Variants in PCOLCE2 observed in about 807,000 individuals in gnomAD.
PCOLCE2 encodes procollagen C-proteinase enhancer 2.
A neutral mutation model predicts 47.0 loss-of-function variants in PCOLCE2; 42 were observed. The observed-to-expected ratio is 0.89, with a 90% CI of 0.70 to 1.16. PCOLCE2 has a LOEUF of 1.16. Ranked by LOEUF, PCOLCE2 falls within the 50% of genes most tolerant of loss-of-function variation. The probability of loss-of-function intolerance (pLI) is 0.00; values close to 1 mark genes in which losing one functional copy is unlikely to be tolerated. For missense variants in PCOLCE2, 500 were observed against 526.1 expected, an observed-to-expected ratio of 0.95 and a Z score of 0.49; for synonymous variants, 169 against 191.7, an observed-to-expected ratio of 0.88 and a Z score of 0.98.
At chr3:142,857,781 G>A (rs966864691) in intron 2 of PCOLCE2, among the ~76,000 whole-genome samples, 1 of 152,156 alleles carries the variant, frequency 6.6e-6, no homozygotes, top group African/African-American at 2.4e-5. Context: ...AACAGCTGTT[G>A]AAGGAATAAA....
chr3:142,844,955 T>G (rs1937307315), intron 3 of PCOLCE2, among the ~76,000 whole-genome samples: 1 of 152,196 alleles, frequency 6.6e-6, no homozygotes, highest in Non-Finnish European at 1.5e-5. Flanking sequence ...AGTGCTTTCT[T>G]GTAGACAACA....
chr3:142,846,720 T>C (rs1433997634), intron 3 of PCOLCE2: 1 of 152,220 alleles, frequency 6.6e-6, no homozygotes, highest in African/African-American at 2.4e-5. Flanking sequence ...ACTGACTCTT[T>C]TTTTCTGCCA....
intron 8 of PCOLCE2, among the ~76,000 whole-genome samples, chr3:142,820,018 GA>G (rs746719430): frequency 6.6e-6 from 1 of 152,052 alleles, no homozygotes; most frequent in Non-Finnish European, 1.5e-5. Context: ...TTATGTAGGG[GA>G]AAAATTGCAG....
At chr3:142,828,940 C>T (rs961926947) in intron 6 of PCOLCE2, among the ~76,000 whole-genome samples, 14 of 152,210 alleles carry the variant, frequency 9.2e-5, no homozygotes, top group Admixed American at 6.5e-5. Flanking sequence ...CTGTACTCAG[C>T]CCCAGCCTAG....
chr3:142,850,811 A>C (rs2108198687), intron 2 of PCOLCE2, among the ~76,000 whole-genome samples: 1 of 88,820 alleles, frequency 1.1e-5, no homozygotes, highest in Admixed American at 9.9e-5. Flanking sequence ...ATATGGGGGT[A>C]AGGAAGGGGA....
chr3:142,885,248 T>A (rs1933698216), intron 2 of PCOLCE2, among the ~76,000 whole-genome samples: 1 of 152,202 alleles, frequency 6.6e-6, no homozygotes, highest in Non-Finnish European at 1.5e-5. Flanking sequence ...CTGGGACACA[T>A]CTCCAGTTTG....
At position 142,826,593 on chromosome 3, in the gene PCOLCE2, CCTT is replaced by C. The variant is rs887286648; in HGVS notation, c.866-2981_866-2979del. On this transcript the variant is annotated intron_variant, in intron 6 of 8. Coordinates refer to ENST00000295992, the MANE Select transcript of PCOLCE2 (RefSeq NM_013363.4). ...CAGGTTCAAGACTCTCAAAGCCTCTCCTTCTTCTTTAAGGCCAAACTTGGGGAA... is the reference window on the plus strand; with the variant it reads ...CAGGTTCAAGACTCTCAAAGCCTCTCCTTCTTTAAGGCCAAACTTGGGGAA... Among the ~76,000 whole-genome samples, 8 of 152,150 alleles carry C rather than the reference CCTT, an allele frequency of 5.3e-5. No individual in the cohort carries two copies. In the South Asian group the frequency reaches 6.2e-4, roughly 12 times the overall value.
At chr3:142,834,624 G>A (rs1937183273) in intron 5 of PCOLCE2, among the ~76,000 whole-genome samples, 1 of 152,186 alleles carries the variant, frequency 6.6e-6, no homozygotes, top group Non-Finnish European at 1.5e-5. Flanking sequence ...TTAATCTGGT[G>A]AGGTATAAGG....
chr3:142,839,064 T>TA (rs374403787), intron 4 of PCOLCE2, among the ~76,000 whole-genome samples, 158 bp from the exon 5 acceptor site: 1,798 of 149,282 alleles, frequency 0.012, 35 homozygotes, highest in African/African-American at 0.04. Context: ...CTTATTTAGT[T>TA]AAAAAAAAAA....
chr3:142,826,989 A>G (rs900912520), intron 6 of PCOLCE2: 3 of 613,214 alleles, frequency 4.9e-6, no homozygotes, highest in East Asian at 7.1e-5. Flanking sequence ...CCTGCCCTCA[A>G]TCTCTGCCTA....
chr3:142,846,314 C>T (rs1356543008), intron 3 of PCOLCE2, among the ~76,000 whole-genome samples: 4 of 152,338 alleles, frequency 2.6e-5, no homozygotes, highest in African/African-American at 9.6e-5. Flanking sequence ...TCTCCTGCCT[C>T]GGCCTCCCGA....
chr3:142,818,365 G>A lies in PCOLCE2; in HGVS notation c.1218C>T (p.Leu406=), dbSNP rs757737125. The A allele has an allele frequency of 3.1e-6, 5 of 1,613,576 alleles. No individual in the cohort carries two copies. Among genetic ancestry groups the A allele is most frequent in the East Asian group, 2.2e-5 (1 of 44,870 alleles). ...IMMFKTKNQK[L]LDALKNKQC ...ATTGCTTATTTTTTAAGGCATCCAG[G>A]AGCTTCTGATTCTTGGTCTTGAACA... The change falls in exon 9 of 9, where the codon CTC becomes CTT. Residue 406 remains leucine (L), a synonymous_variant. Coordinates refer to ENST00000295992, the MANE Select transcript of PCOLCE2 (RefSeq NM_013363.4).
intron 2 of PCOLCE2, among the ~76,000 whole-genome samples, chr3:142,885,223 G>A (rs1016935727): frequency 6.6e-6 from 1 of 152,158 alleles, no homozygotes; most frequent in Admixed American, 6.5e-5. Context: ...CCATTTAGCG[G>A]TGAAAGCTAC....
chr3:142,845,873 GTT>G (rs1213315392), intron 3 of PCOLCE2, among the ~76,000 whole-genome samples: 325 of 152,254 alleles, frequency 2.1e-3, no homozygotes, highest in African/African-American at 6.4e-3. Flanking sequence ...TGCTTGAGAG[GTT>G]GAGGCACAAA....
intron 4 of PCOLCE2, among the ~76,000 whole-genome samples, chr3:142,841,121 G>T (rs1262303672): frequency 6.7e-6 from 1 of 149,140 alleles, no homozygotes; most frequent in Non-Finnish European, 1.5e-5. Flanking sequence ...TTGCAGAGAA[G>T]ATTAAAAAAA....
At chr3:142,886,468 T>C (rs1229029545) in intron 2 of PCOLCE2, among the ~76,000 whole-genome samples, 3 of 152,248 alleles carry the variant, frequency 2.0e-5, no homozygotes, top group African/African-American at 4.8e-5. Context: ...AAACTTATTT[T>C]CTATGACTTC....
At chr3:142,886,933 A>G (rs1387049244) in intron 2 of PCOLCE2, among the ~76,000 whole-genome samples, 1 of 152,184 alleles carries the variant, frequency 6.6e-6, no homozygotes, top group Non-Finnish European at 1.5e-5. Flanking sequence ...CTCTCAGTGA[A>G]CCAACGTATT....
chr3:142,831,595 T>C (rs1360596318), intron 5 of PCOLCE2, among the ~76,000 whole-genome samples: 1 of 152,252 alleles, frequency 6.6e-6, no homozygotes, highest in Middle Eastern at 3.2e-3. Context: ...GAAAATATTC[T>C]ATCATGCTTT....
intron 2 of PCOLCE2, among the ~76,000 whole-genome samples, chr3:142,874,419 G>C (rs755916938): frequency 3.3e-5 from 5 of 152,140 alleles, no homozygotes; most frequent in African/African-American, 9.7e-5. Context: ...CTCTCTGCAC[G>C]ATGTAAGACG....
Sources: gnomAD v4.1 joint callset for allele counts (sites outside exome capture counted in the v4.1 genomes callset) on GRCh38, gnomAD v4.1.1 for gene constraint, MANE v1.5 for transcripts, NCBI Gene and HGNC (gene_info 2026-07-23, HGNC 2026-07-21) for gene names.